Variants in WDFY4 observed in about 807,000 individuals in gnomAD.
The protein encoded by WDFY4 is WD repeat- and FYVE domain-containing protein 4.
In WDFY4, 169 loss-of-function variants were observed where a neutral mutation model predicts 351.9. The ratio of observed to expected loss-of-function variants is 0.48; its 90% confidence interval spans 0.42 to 0.55. The LOEUF (loss-of-function observed/expected upper bound fraction) is 0.55, where lower values mean the gene tolerates loss of function less well. Among genes scored for constraint, WDFY4 ranks in the 20% least tolerant of loss-of-function variants. WDFY4 has a pLI of 0.00. For synonymous variants in WDFY4, 1,622 were observed against 1,574.6 expected (o/e 1.03, Z -0.71); for missense variants, 3,803 against 3,935.6 (o/e 0.97, Z 0.90).
At chr10:48,940,024 C>T (rs1840671471) in intron 47 of WDFY4, among the ~76,000 whole-genome samples, 1 of 152,238 alleles carries the variant, frequency 6.6e-6, no homozygotes. Context: ...TCTGTCCTCA[C>T]TCCCCTGTCA....
intron 20 of WDFY4, 104 bp downstream of exon 20, chr10:48,786,974 C>A (rs2066424798): frequency 2.1e-6 from 2 of 975,606 alleles, no homozygotes; most frequent in South Asian, 1.6e-5. Context: ...GCGTTAAAGT[C>A]AGTCATTAGG....
chr10:48,853,042 T>C (rs978833970), intron 39 of WDFY4, among the ~76,000 whole-genome samples: 1 of 152,202 alleles, frequency 6.6e-6, no homozygotes, highest in African/African-American at 2.4e-5. Flanking sequence ...TCAGACCTCA[T>C]CTCACCGGGC....
rs530615127 is a variant in WDFY4, at chr10:48,905,975, G to A, written c.7586+4112G>A. Among the ~76,000 whole-genome samples, 41 of 152,320 alleles carry A rather than the reference G, an allele frequency of 2.7e-4. 1 individual carries two copies. The South Asian group carries it at 8.1e-3, about 30-fold the overall frequency. ...GCCCTTCTCTTGCCAGCCCAATTGTGGCTTCAGGAGCTCCAGGGTGGGAAG... is the reference window on the plus strand; with the variant it reads ...GCCCTTCTCTTGCCAGCCCAATTGTAGCTTCAGGAGCTCCAGGGTGGGAAG... On this transcript the variant is annotated intron_variant, in intron 47 of 61. Coordinates refer to ENST00000325239, the MANE Select transcript of WDFY4 (RefSeq NM_001394531.1).
chr10:48,883,117 T>G (rs2671713), intron 43 of WDFY4, among the ~76,000 whole-genome samples: 142,721 of 152,298 alleles, frequency 0.94, 67,151 homozygotes, highest in East Asian at 1. Context: ...GGCCCCATGT[T>G]CTTTCTCTAT....
chr10:48,982,458 A>T, intron 61 of WDFY4, 51 bp from the exon 62 acceptor site: 1 of 1,433,198 alleles, frequency 7.0e-7, no homozygotes, highest in Non-Finnish European at 9.3e-7. Context: ...GCTGGCGGGG[A>T]CAAGTGGTAC....
intron 5 of WDFY4, among the ~76,000 whole-genome samples, chr10:48,725,215 C>G (rs1372516128): frequency 2.0e-5 from 3 of 152,190 alleles, no homozygotes; most frequent in African/African-American, 7.2e-5. Flanking sequence ...AAAATGTCTT[C>G]CCATGGAAGT....
At chr10:48,757,820 A>G (rs2065381414) in intron 12 of WDFY4, among the ~76,000 whole-genome samples, 1 of 151,904 alleles carries the variant, frequency 6.6e-6, no homozygotes. Context: ...AACTTTTAAC[A>G]GTCTACTTAG....
At chr10:48,965,890 A>T (rs1842059801) in intron 54 of WDFY4, among the ~76,000 whole-genome samples, 1 of 99,880 alleles carries the variant, frequency 1.0e-5, no homozygotes, top group South Asian at 3.4e-4. Context: ...ATCTATAAAC[A>T]GCTGATATAG....
chr10:48,723,698 T>C (rs2064168144), intron 5 of WDFY4, 131 bp downstream of exon 5: 1 of 1,270,540 alleles, frequency 7.9e-7, no homozygotes, highest in African/African-American at 1.5e-5. Context: ...TCCCAGAGGG[T>C]CTAACCTCCC....
chr10:48,933,453 G>A (rs956611896), intron 47 of WDFY4, among the ~76,000 whole-genome samples: 4 of 152,204 alleles, frequency 2.6e-5, no homozygotes, highest in Non-Finnish European at 5.9e-5. Flanking sequence ...GCTTTACAAT[G>A]TCAGATGGCT....
chr10:48,743,652 G>A, intron 12 of WDFY4, 104 bp downstream of exon 12: 1 of 1,314,894 alleles, frequency 7.6e-7, no homozygotes, highest in African/African-American at 1.5e-5. Context: ...TACAGAATGG[G>A]TGTGCAGAAA....
At chr10:48,885,826 G>C (rs1055287361) in intron 43 of WDFY4, among the ~76,000 whole-genome samples, 1 of 151,972 alleles carries the variant, frequency 6.6e-6, no homozygotes, top group Non-Finnish European at 1.5e-5. Context: ...TTATTAGTAT[G>C]ACGAATTCTC....
chr10:48,719,024 G>A (rs967394705), intron 2 of WDFY4, among the ~76,000 whole-genome samples: 7 of 152,190 alleles, frequency 4.6e-5, no homozygotes, highest in South Asian at 2.1e-4. Context: ...ACAACAACTC[G>A]GACTGGAGAA....
At chr10:48,934,173 G>C (rs1316628711) in intron 47 of WDFY4, among the ~76,000 whole-genome samples, 1 of 152,236 alleles carries the variant, frequency 6.6e-6, no homozygotes, top group Non-Finnish European at 1.5e-5. Context: ...CATTGGCCGG[G>C]AGTGTTGTTC....
intron 1 of WDFY4, among the ~76,000 whole-genome samples, chr10:48,704,705 C>T (rs934237617): frequency 1.3e-5 from 2 of 152,158 alleles, no homozygotes; most frequent in African/African-American, 4.8e-5. Context: ...GGCAGCAAAG[C>T]CTGGGCTGTC....
intron 53 of WDFY4, among the ~76,000 whole-genome samples, chr10:48,960,616 A>G (rs2131791459): frequency 6.6e-6 from 1 of 152,350 alleles, no homozygotes; most frequent in East Asian, 1.9e-4. Context: ...AAACTTGTGC[A>G]TGAATCTTCA....
At chr10:48,913,294 A>C in intron 47 of WDFY4, 2 of 1,138,192 alleles carry the variant, frequency 1.8e-6, no homozygotes, top group South Asian at 1.5e-5. Context: ...GAGCTGCTGC[A>C]GCCACAGGGG....
intron 39 of WDFY4, among the ~76,000 whole-genome samples, chr10:48,834,849 C>T (rs1298240645): frequency 1.3e-5 from 2 of 152,222 alleles, no homozygotes; most frequent in Non-Finnish European, 1.5e-5. Context: ...CAGCTGCCTC[C>T]GAGTCCTGGG....
intron 4 of WDFY4, among the ~76,000 whole-genome samples, chr10:48,722,262 G>A (rs776781070): frequency 1.3e-5 from 2 of 152,172 alleles, no homozygotes; most frequent in African/African-American, 4.8e-5. Flanking sequence ...CAGGCACAGC[G>A]ACCTGAAGCA....
Sources: allele counts gnomAD v4.1 joint callset (sites outside exome capture counted in the v4.1 genomes callset), GRCh38; gene constraint gnomAD v4.1.1; transcripts MANE v1.5; gene names NCBI Gene and HGNC (gene_info 2026-07-23, HGNC 2026-07-21).